The following MAST4 variants were observed in gnomAD, a reference collection of about 807,000 sequenced individuals.
MAST4 encodes the protein microtubule associated serine/threonine kinase family member 4.
Under a neutral mutation model 162.7 loss-of-function variants are expected in MAST4, and 89 were observed. The observed-to-expected ratio is 0.55, with a 90% CI of 0.46 to 0.65. The LOEUF is 0.65. MAST4 is among the 30% of genes least tolerant of loss of function. MAST4 has a pLI of 0.00. For missense variants in MAST4, 3,153 were observed against 3,374.0 expected, an observed-to-expected ratio of 0.93 and a Z score of 1.62; for synonymous variants, 1,479 against 1,361.1, an observed-to-expected ratio of 1.09 and a Z score of -1.91.
intron 1 of MAST4, among the ~76,000 whole-genome samples, chr5:66,644,239 C>A (rs1323875083): frequency 6.6e-6 from 1 of 151,694 alleles, no homozygotes; most frequent in East Asian, 1.9e-4. Context: ...TAGCAAACAG[C>A]TTTATGTAAT....
At chr5:66,914,762 C>T (rs1054124510) in intron 4 of MAST4, among the ~76,000 whole-genome samples, 11 of 152,114 alleles carry the variant, frequency 7.2e-5, no homozygotes, top group Non-Finnish European at 1.5e-5. Context: ...ATTTTACCCC[C>T]AAAGATGACA....
At position 66,837,896 on chromosome 5, in the gene MAST4, T is replaced by TATATATATATATATATA. The variant is rs1580596132; in HGVS notation, c.642+49102_642+49103insATATATATATATATATA. Among the ~76,000 whole-genome samples the TATATATATATATATATA allele has an allele frequency of 5.5e-4, 9 of 16,444 alleles. 1 individual carries two copies. Among genetic ancestry groups the TATATATATATATATATA allele is most frequent in the African/African-American group, 1.6e-3 (9 of 5,522 alleles). The allele number at this position is 16,444 out of a possible 152,430, so 10.8% of individuals were successfully genotyped here. ...TATATATATATATATATATATATAT[T>TATATATATATATATATA]TTTTTTTTTTTTTTTTTTTTTAATG... is the stretch of plus-strand genomic sequence containing the variant. On this transcript the variant is annotated intron_variant, in intron 3 of 28. Coordinates refer to ENST00000403625, the MANE Select transcript of MAST4 (RefSeq NM_001164664.2).
chr5:66,999,204 T>TCCA (rs1751005965), intron 4 of MAST4, among the ~76,000 whole-genome samples: 1 of 152,208 alleles, frequency 6.6e-6, no homozygotes, highest in South Asian at 2.1e-4. Context: ...TGGCAGTGTG[T>TCCA]CCAGCTGTTC....
chr5:67,002,256 T>A lies in MAST4; in HGVS notation c.675-52148T>A, dbSNP rs61185431. Among the ~76,000 whole-genome samples, 79 of 152,350 alleles carry A rather than the reference T, an allele frequency of 5.2e-4. 1 individual carries two copies. The East Asian group carries it at 0.014, about 28-fold the overall frequency. ...AAGTCTTCAGAATTTACCGTCTTCA[T>A]GGGATTCTCAAAAATTCAGTATTCT... is the stretch of plus-strand genomic sequence containing the variant. On this transcript the variant is annotated intron_variant, in intron 4 of 28. Coordinates refer to ENST00000403625, the MANE Select transcript of MAST4 (RefSeq NM_001164664.2).
intron 4 of MAST4, among the ~76,000 whole-genome samples, chr5:66,958,510 G>A (rs1028793938): frequency 7.9e-5 from 12 of 152,032 alleles, no homozygotes; most frequent in Non-Finnish European, 1.0e-4. Flanking sequence ...TGAGCTTTTC[G>A]AAAATAAAAA....
intron 3 of MAST4, among the ~76,000 whole-genome samples, chr5:66,825,691 G>A (rs1433706364): frequency 6.6e-6 from 1 of 152,000 alleles, no homozygotes; most frequent in Non-Finnish European, 1.5e-5. Flanking sequence ...AGTGACCATG[G>A]ATTTTGAGTA....
intron 4 of MAST4, among the ~76,000 whole-genome samples, chr5:67,043,694 T>C (rs12522430): frequency 0.21 from 31,241 of 152,212 alleles, 3,494 homozygotes; most frequent in Non-Finnish European, 0.25. Flanking sequence ...TATACTTACA[T>C]TGAGTACAAA....
chr5:66,843,950 T>A (rs1758609626), intron 3 of MAST4, among the ~76,000 whole-genome samples: 1 of 152,120 alleles, frequency 6.6e-6, no homozygotes, highest in African/African-American at 2.4e-5. Context: ...TTTGCTCAGA[T>A]GGATGTGCTG....
At chr5:66,727,399 A>C (rs192219505) in intron 1 of MAST4, among the ~76,000 whole-genome samples, 11 of 152,284 alleles carry the variant, frequency 7.2e-5, no homozygotes, top group Non-Finnish European at 7.4e-5. Context: ...CACGGTCTGA[A>C]AGTCACCTGC....
At chr5:66,638,131 G>A (rs999910261) in intron 1 of MAST4, among the ~76,000 whole-genome samples, 5 of 152,188 alleles carry the variant, frequency 3.3e-5, no homozygotes, top group African/African-American at 1.2e-4. Flanking sequence ...ACCTTCAAGA[G>A]CTCCTTACTC....
At chr5:66,902,835 A>G (rs1763097025) in intron 4 of MAST4, 1 of 367,424 alleles carries the variant, frequency 2.7e-6, no homozygotes, top group South Asian at 2.2e-5. Flanking sequence ...GCCATTTGCC[A>G]AGGCTTCTTC....
chr5:66,847,875 T>C (rs115673281), intron 3 of MAST4, among the ~76,000 whole-genome samples: 6 of 136,426 alleles, frequency 4.4e-5, no homozygotes, highest in Admixed American at 2.2e-4. Context: ...AAAGCTACAC[T>C]GGGTGTATGA....
chr5:66,847,820 C>CAAAA (rs777825639), intron 3 of MAST4, among the ~76,000 whole-genome samples: 723 of 54,128 alleles, frequency 0.013, 33 homozygotes, highest in South Asian at 0.016. Context: ...GACTCCTTCT[C>CAAAA]AAAAAAAAAA....
At chr5:67,149,618 T>A in intron 24 of MAST4, 29 bp downstream of exon 24, 1 of 1,602,974 alleles carries the variant, frequency 6.2e-7, no homozygotes, top group Middle Eastern at 1.7e-4. Flanking sequence ...CATGAAATTG[T>A]GTGATTTGTG....
intron 2 of MAST4, 69 bp from the exon 3 acceptor site, chr5:66,788,601 C>CCCCCCCCAAGCAAAAAAAAAAAA: frequency 8.5e-7 from 1 of 1,179,562 alleles, no homozygotes; most frequent in Non-Finnish European, 1.2e-6. Flanking sequence ...ACCCCACCCC[C>CCCCCCCCAAGCAAAAAAAAAAAA]ACCCCCATTG....
intron 3 of MAST4, 83 bp downstream of exon 3, chr5:66,788,877 A>G: frequency 7.1e-7 from 1 of 1,412,912 alleles, no homozygotes; most frequent in Non-Finnish European, 9.3e-7. Context: ...GTTTAACTAT[A>G]TTTAAACTTA....
chr5:66,609,314 A>C (rs552937023), intron 1 of MAST4, among the ~76,000 whole-genome samples: 177 of 152,120 alleles, frequency 1.2e-3, no homozygotes, highest in African/African-American at 4.2e-3. Flanking sequence ...ATAGCTGCCC[A>C]GCCCTTAAAG....
intron 1 of MAST4, among the ~76,000 whole-genome samples, chr5:66,655,283 A>G (rs1395239287): frequency 6.6e-6 from 1 of 152,202 alleles, no homozygotes; most frequent in Non-Finnish European, 1.5e-5. Flanking sequence ...TCATAGATGA[A>G]TAAGTTTAAG....
chr5:67,034,032 T>G (rs1164426029), intron 4 of MAST4, among the ~76,000 whole-genome samples: 2 of 152,174 alleles, frequency 1.3e-5, no homozygotes, highest in Non-Finnish European at 2.9e-5. Context: ...AAATAAGAGA[T>G]TAGAGCATAA....
Sources: allele counts gnomAD v4.1 joint callset (sites outside exome capture counted in the v4.1 genomes callset), GRCh38; gene constraint gnomAD v4.1.1; transcripts MANE v1.5; gene names NCBI Gene and HGNC (gene_info 2026-07-23, HGNC 2026-07-21).